GPC5: variants seen among roughly 807,000 people sequenced by gnomAD.
The protein encoded by GPC5 is glypican 5.
Under a neutral mutation model 53.9 loss-of-function variants are expected in GPC5, and 47 were observed. That is an observed-to-expected ratio of 0.87 (90% CI 0.69 to 1.11). GPC5 has a LOEUF of 1.11. Ranked by LOEUF, GPC5 falls within the 50% of genes most tolerant of loss-of-function variation. GPC5 has a pLI of 0.00. For synonymous variants in GPC5, 286 were observed against 263.3 expected (o/e 1.09, Z -0.84); for missense variants, 748 against 713.1 (o/e 1.05, Z -0.56).
At chr13:92,003,121 G>A (rs1228754796) in intron 6 of GPC5, among the ~76,000 whole-genome samples, 2 of 151,996 alleles carry the variant, frequency 1.3e-5, no homozygotes, top group Non-Finnish European at 2.9e-5. Context: ...GACCAGCTTG[G>A]CCAACATGAC....
At chr13:92,106,445 A>G (rs1316620853) in intron 6 of GPC5, among the ~76,000 whole-genome samples, 1 of 152,110 alleles carries the variant, frequency 6.6e-6, no homozygotes, top group Non-Finnish European at 1.5e-5. Flanking sequence ...TGCTGAACTG[A>G]GGGTTTTCAC....
intron 1 of GPC5, among the ~76,000 whole-genome samples, chr13:91,414,157 G>A (rs905697356): frequency 1.3e-5 from 2 of 152,256 alleles, no homozygotes; most frequent in Admixed American, 6.5e-5. Context: ...TAATCCCCAC[G>A]TGTTGTGGGA....
At chr13:91,665,602 A>T (rs2035092764) in intron 2 of GPC5, among the ~76,000 whole-genome samples, 1 of 151,534 alleles carries the variant, frequency 6.6e-6, no homozygotes, top group South Asian at 2.1e-4. Flanking sequence ...TCCCAGGTTC[A>T]TGCCATTCTC....
At position 92,541,525 on chromosome 13, in the gene GPC5, C is replaced by A. The variant is rs1028159209; in HGVS notation, c.1562-324757C>A. On this transcript the variant is annotated intron_variant, in intron 7 of 7. Coordinates refer to ENST00000377067, the MANE Select transcript of GPC5 (RefSeq NM_004466.6). Reference sequence around the variant, plus strand: ...CTTCATTTGATTTTCTATTTTCTTTCTTATTTTAGATACTAGTTACATTGT... The same window carrying A: ...CTTCATTTGATTTTCTATTTTCTTTATTATTTTAGATACTAGTTACATTGT... Among the ~76,000 whole-genome samples the A allele has an allele frequency of 2.0e-5, 3 of 151,578 alleles. No homozygotes were observed. In the Admixed American group the frequency reaches 2.0e-4, roughly 10 times the overall value.
At chr13:91,505,596 C>A (rs969297530) in intron 2 of GPC5, among the ~76,000 whole-genome samples, 2 of 152,212 alleles carry the variant, frequency 1.3e-5, no homozygotes, top group Non-Finnish European at 2.9e-5. Flanking sequence ...AATCTGACAA[C>A]CAACAAGTCA....
chr13:92,376,339 A>G (rs1433262455), intron 7 of GPC5, among the ~76,000 whole-genome samples: 1 of 152,122 alleles, frequency 6.6e-6, no homozygotes, highest in East Asian at 1.9e-4. Context: ...TTTAGCTTCC[A>G]TGTCATCAAT....
intron 7 of GPC5, among the ~76,000 whole-genome samples, chr13:92,417,832 G>A (rs915541274): frequency 3.9e-5 from 6 of 152,124 alleles, no homozygotes; most frequent in African/African-American, 1.4e-4. Flanking sequence ...TCGAGGGTGC[G>A]GTGAGCTGAA....
At chr13:91,852,567 G>C (rs1341265743) in intron 5 of GPC5, among the ~76,000 whole-genome samples, 1 of 151,596 alleles carries the variant, frequency 6.6e-6, no homozygotes, top group Non-Finnish European at 1.5e-5. Flanking sequence ...AAAATCTTTT[G>C]GTGTTGGAGT....
chr13:92,246,344 T>C (rs1388842735), intron 7 of GPC5, among the ~76,000 whole-genome samples: 1 of 152,146 alleles, frequency 6.6e-6, no homozygotes, highest in African/African-American at 2.4e-5. Flanking sequence ...GATATATTCA[T>C]TGAATTTATT....
At chr13:91,973,633 A>G (rs1026163203) in intron 6 of GPC5, among the ~76,000 whole-genome samples, 9 of 149,276 alleles carry the variant, frequency 6.0e-5, no homozygotes, top group South Asian at 4.3e-4. Flanking sequence ...GGTGATGTAC[A>G]GATGGGTTTT....
intron 7 of GPC5, among the ~76,000 whole-genome samples, chr13:92,518,550 T>A (rs1216924648): frequency 2.0e-5 from 3 of 152,056 alleles, no homozygotes; most frequent in Non-Finnish European, 4.4e-5. Flanking sequence ...GAAGGAGAAA[T>A]AAAATGCTTT....
chr13:91,522,839 A>G (rs1002178574), intron 2 of GPC5, among the ~76,000 whole-genome samples: 5 of 152,342 alleles, frequency 3.3e-5, no homozygotes, highest in African/African-American at 1.2e-4. Context: ...TGCAAAGGAC[A>G]TGAACTCATC....
intron 2 of GPC5, among the ~76,000 whole-genome samples, chr13:91,572,956 A>G (rs548991087): frequency 1.3e-5 from 2 of 152,116 alleles, no homozygotes; most frequent in African/African-American, 4.8e-5. Flanking sequence ...CATGGTCACA[A>G]AGGCATACCG....
At chr13:91,547,936 G>A (rs2030390560) in intron 2 of GPC5, among the ~76,000 whole-genome samples, 2 of 151,934 alleles carry the variant, frequency 1.3e-5, no homozygotes, top group African/African-American at 2.4e-5. Flanking sequence ...ATTAAAACTC[G>A]AAATAAATTA....
At chr13:91,525,853 C>A (rs895819895) in intron 2 of GPC5, among the ~76,000 whole-genome samples, 1 of 152,116 alleles carries the variant, frequency 6.6e-6, no homozygotes, top group African/African-American at 2.4e-5. Context: ...AGTAAATGAT[C>A]TGAATGTATA....
At chr13:92,268,224 T>G (rs749821539) in intron 7 of GPC5, among the ~76,000 whole-genome samples, 37 of 152,014 alleles carry the variant, frequency 2.4e-4, no homozygotes, top group Non-Finnish European at 4.7e-4. Flanking sequence ...ACTCAACTTT[T>G]TGAAATTTCA....
intron 5 of GPC5, among the ~76,000 whole-genome samples, chr13:91,832,595 T>C (rs1276033456): frequency 1.3e-5 from 2 of 152,026 alleles, no homozygotes; most frequent in Non-Finnish European, 2.9e-5. Flanking sequence ...TACAATTTGA[T>C]ATGTTTTTGC....
At chr13:92,799,972 G>C (rs1876838412) in intron 7 of GPC5, among the ~76,000 whole-genome samples, 1 of 151,744 alleles carries the variant, frequency 6.6e-6, no homozygotes, top group Non-Finnish European at 1.5e-5. Context: ...ATGTTAGCTA[G>C]TTCTCACCTT....
At chr13:91,460,242 T>C (rs1881845610) in intron 2 of GPC5, among the ~76,000 whole-genome samples, 1 of 152,094 alleles carries the variant, frequency 6.6e-6, no homozygotes. Flanking sequence ...AATCAAATTC[T>C]TTTAACCAAA....
Sources: allele counts gnomAD v4.1 joint callset (sites outside exome capture counted in the v4.1 genomes callset), GRCh38; gene constraint gnomAD v4.1.1; transcripts MANE v1.5; gene names NCBI Gene and HGNC (gene_info 2026-07-23, HGNC 2026-07-21).